Variants in CELSR3 observed in about 807,000 individuals in gnomAD.
CELSR3 encodes EGF-like protein 1.
Under a neutral mutation model 270.0 loss-of-function variants are expected in CELSR3, and 73 were observed. The observed-to-expected ratio is 0.27, with a 90% CI of 0.22 to 0.33. The LOEUF (loss-of-function observed/expected upper bound fraction) is 0.33, where lower values mean the gene tolerates loss of function less well. CELSR3 is among the 10% of genes least tolerant of loss of function. CELSR3 has a pLI of 1.00. For synonymous variants in CELSR3, 1,780 were observed against 1,905.4 expected (o/e 0.93, Z 1.71); for missense variants, 3,614 against 4,533.8 (o/e 0.80, Z 5.83).
rs763515679 is a variant in CELSR3 at position 48,641,273 on chromosome 3, T to C, written c.9025+51A>G. ...AGCTGCAATCCCTTGGCTCAGGGCA[T>C]GAGCAGCCCCCAGCGTGTCTGCGGT... On this transcript the variant is annotated intron_variant, in intron 33 of 34. Transcript: ENST00000164024. The surrounding 1 kb of genome is among the most constrained non-coding windows in gnomAD (Gnocchi z 4.8). 22 of 1,235,106 alleles carry C rather than the reference T, an allele frequency of 1.8e-5. No individual in the cohort carries two copies. Among genetic ancestry groups the C allele is most frequent in the Non-Finnish European group, 2.3e-5 (19 of 842,136 alleles). The allele number at this position is 1,235,106 out of a possible 1,614,324, so 76.5% of individuals were successfully genotyped here. A position where few individuals can be genotyped will look rare whatever the true frequency, so the allele number is the denominator to read the frequency against.
Position 48,650,995 on chromosome 3 carries a change from A to G in CELSR3, c.6267T>C (p.Cys2089=), listed in dbSNP as rs772584974. The G allele has an allele frequency of 8.1e-6, 13 of 1,609,794 alleles. No individual in the cohort carries two copies. In the African/African-American group the frequency reaches 1.6e-4, roughly 20 times the overall value. ...AGGGGCACTGCCCGCTGTGGGGTGCACATGAGCGCGAGGTGGAGCCCACAG... is the reference window on the plus strand; with the variant it reads ...AGGGGCACTGCCCGCTGTGGGGTGCGCATGAGCGCGAGGTGGAGCCCACAG... The part of the protein sequence containing the change: ...CYPVGSTSRS[C]APHSGQCPCR... The change falls in exon 15 of 35, where the codon TGT becomes TGC. Residue 2089 remains cysteine (C), a synonymous_variant. Coordinates refer to ENST00000164024, the MANE Select transcript of CELSR3 (RefSeq NM_001407.3). This position sits in a 1 kb window ranked among gnomAD's most constrained non-coding sequence, Gnocchi z 5.1.
chr3:48,662,513 C>G lies in CELSR3; in HGVS notation c.122G>C (p.Gly41Ala). 1.2e-6 allele frequency: 2 copies of G among 1,610,354 alleles called. No individual in the cohort carries two copies. Among genetic ancestry groups the G allele is most frequent in the Non-Finnish European group, 1.7e-6 (2 of 1,178,460 alleles). Residue 41 changes from glycine to alanine, a missense_variant, in exon 1 of 35, where the codon GGC becomes GCC. By Grantham distance (60) the Gly-to-Ala change is moderately conservative. Transcript: ENST00000164024. The surrounding 1 kb of genome is among the most constrained non-coding windows in gnomAD (Gnocchi z 7.1). ...QEELGGGGHQ[G>A]WDPGLAATTG... ...AGTGGCAGCTAAGCCTGGGTCCCAG[C>G]CCTGGTGCCCACCGCCCCCCAGCTC...
In CELSR3 at chr3:48,646,688, C is replaced by A. The variant is rs76029109; in HGVS notation, c.7295+75G>T. 8.3e-6 allele frequency: 12 copies of A among 1,437,962 alleles called. No individual in the cohort carries two copies. Among genetic ancestry groups the A allele is most frequent in the Non-Finnish European group, 1.1e-5 (12 of 1,054,084 alleles). The allele number at this position is 1,437,962 out of a possible 1,614,324, so 89.1% of individuals were successfully genotyped here. On this transcript the variant is annotated intron_variant, in intron 21 of 34. Transcript: ENST00000164024. The surrounding 1 kb of genome is among the most constrained non-coding windows in gnomAD (Gnocchi z 4.8). Reference sequence around the variant, plus strand: ...CTCCTCTCTGTGTGTTGTGAACCTACGCATCTACCCACCAAAAAAGGGGCT... The same window carrying A: ...CTCCTCTCTGTGTGTTGTGAACCTAAGCATCTACCCACCAAAAAAGGGGCT...
Position 48,662,617 on chromosome 3 carries a change from C to T in CELSR3, c.18G>A (p.Pro6=), listed in dbSNP as rs762160679. MMARR[P]PWRGLGGRST... is the part of the protein sequence containing the mutation. ...ACCGTCCCCCGAGGCCCCGCCACGG[C>T]GGCCGCCTCGCCATCATCCCCCGCC... is the stretch of plus-strand genomic sequence containing the variant. The change falls in exon 1 of 35, where the codon CCG becomes CCA. Residue 6 remains proline, a synonymous_variant. Transcript: ENST00000164024. This position sits in a 1 kb window ranked among gnomAD's most constrained non-coding sequence, Gnocchi z 7.1. The T allele has an allele frequency of 4.2e-6, 6 of 1,427,154 alleles. No homozygotes were observed. Among genetic ancestry groups the T allele is most frequent in the Middle Eastern group, 2.5e-4 (1 of 3,980 alleles). The allele number at this position is 1,427,154 out of a possible 1,614,324, so 88.4% of individuals were successfully genotyped here.
chr3:48,660,228 C>T lies in CELSR3; in HGVS notation c.2407G>A (p.Ala803Thr), dbSNP rs775504408. ...CCCACACCCCCCTGGGTGCTGATGGCAAAGCGATTCCGGGTGTTGCCGCCT... is the reference window on the plus strand; with the variant it reads ...CCCACACCCCCCTGGGTGCTGATGGTAAAGCGATTCCGGGTGTTGCCGCCT... ...ITGGNTRNRF[A>T]ISTQGGVGLV... is the part of the protein sequence containing the mutation. The change falls in exon 1 of 35, where the codon GCC becomes ACC. Residue 803 changes from alanine to threonine, a missense_variant. Ala to Thr is a moderately conservative substitution (Grantham distance 58, BLOSUM62 0). Around this residue, in one of 7 missense-constraint regions of CELSR3, gnomAD observed 215 missense variants for 241.2 expected, o/e 0.89. Coordinates refer to ENST00000164024, the MANE Select transcript of CELSR3 (RefSeq NM_001407.3). The surrounding 1 kb of genome is among the most constrained non-coding windows in gnomAD (Gnocchi z 5.5). The T allele has an allele frequency of 5.0e-6, 8 of 1,613,984 alleles. No individual in the cohort carries two copies. The Admixed American group carries it at 5.0e-5, about 10-fold the overall frequency.
chr3:48,651,191 T>C lies in CELSR3; in HGVS notation c.6187-116A>G. ...CATGGGCCAGAGGACACCTGGGTCA[T>C]GCGTGAAGCCAAGGGAGGGGTCACG... On this transcript the variant is annotated intron_variant, in intron 14 of 34. Transcript: ENST00000164024. This position sits in a 1 kb window ranked among gnomAD's most constrained non-coding sequence, Gnocchi z 7.4. 2.1e-6 allele frequency: 3 copies of C among 1,433,622 alleles called. No homozygotes were observed. Among genetic ancestry groups the C allele is most frequent in the Non-Finnish European group, 2.9e-6 (3 of 1,045,234 alleles). The allele number at this position is 1,433,622 out of a possible 1,614,324, so 88.8% of individuals were successfully genotyped here.
Position 48,646,269 on chromosome 3 carries a change from C to A in CELSR3, c.7296-12G>T. 6.2e-7 allele frequency: 1 copy of A among 1,605,428 alleles called. No homozygotes were observed. Among genetic ancestry groups the A allele is most frequent in the Non-Finnish European group, 8.5e-7 (1 of 1,175,110 alleles). ...GGTTCTGAGGAAGCCTGGGGAGACA[C>A]CCATCTGGGCTTACGCACTGCTGAC... On this transcript the variant is annotated splice_polypyrimidine_tract_variant and intron_variant, in intron 21 of 34. Transcript: ENST00000164024. The surrounding 1 kb of genome is among the most constrained non-coding windows in gnomAD (Gnocchi z 4.8).
In CELSR3 at chr3:48,662,097, G is replaced by T. The variant is rs949310955; in HGVS notation, c.538C>A (p.His180Asn). Residue 180 changes from histidine (H) to asparagine (N), a missense_variant, in exon 1 of 35, where the codon CAC becomes AAC. Around this residue, in one of 7 missense-constraint regions of CELSR3, gnomAD observed 470 missense variants for 469.7 expected, o/e 1.00. Coordinates refer to ENST00000164024, the MANE Select transcript of CELSR3 (RefSeq NM_001407.3). This position sits in a 1 kb window ranked among gnomAD's most constrained non-coding sequence, Gnocchi z 7.1. ...TGGGAGGACACCGGCTTGGGACCGT[G>T]GTGCCGAATCAAAAAGTCTGAAGGG... ...PLPSDFLIRH[H>N]GPKPVSSQRN... 1 of 1,613,956 alleles carries T rather than the reference G, an allele frequency of 6.2e-7. No individual in the cohort carries two copies. Among genetic ancestry groups the T allele is most frequent in the African/African-American group, 1.3e-5 (1 of 75,060 alleles).
rs1169086744 is a variant in CELSR3, at chr3:48,650,670, G to A, written c.6371-89C>T. 14 of 1,130,710 alleles carry A rather than the reference G, an allele frequency of 1.2e-5. No individual in the cohort carries two copies. The highest frequency in any genetic ancestry group is 5.6e-5 in the Admixed American group (2 of 35,778). 70.0% of individuals were successfully genotyped at this position (1,130,710 alleles called of 1,614,324 possible). A position where few individuals can be genotyped will look rare whatever the true frequency, so the allele number is the denominator to read the frequency against. On this transcript the variant is annotated intron_variant, in intron 15 of 34. Coordinates refer to ENST00000164024, the MANE Select transcript of CELSR3 (RefSeq NM_001407.3). The surrounding 1 kb of genome is among the most constrained non-coding windows in gnomAD (Gnocchi z 5.1). Reference sequence around the variant, plus strand: ...CTGCCCCTCCACCACCCCCCACAAGGCCCACTGCCCGCCACTCCTGCTGGC... The same window carrying A: ...CTGCCCCTCCACCACCCCCCACAAGACCCACTGCCCGCCACTCCTGCTGGC...
Position 48,662,128 on chromosome 3 carries a change from C to T in CELSR3, c.507G>A (p.Ser169=). The T allele has an allele frequency of 6.2e-7, 1 of 1,613,166 alleles. No homozygotes were observed. The highest frequency in any genetic ancestry group is 8.5e-7 in the Non-Finnish European group (1 of 1,179,740). ...SSGVPGSGNS[S]PLPSDFLIRH... ...GAATCAAAAAGTCTGAAGGGAGGGG[C>T]GAGCTGTTCCCCGAGCCCGGGACCC... Residue 169 remains serine (S), a synonymous_variant, in exon 1 of 35, where the codon TCG becomes TCA. Transcript: ENST00000164024. This position sits in a 1 kb window ranked among gnomAD's most constrained non-coding sequence, Gnocchi z 7.1.
chr3:48,639,406 C>T lies in CELSR3; in HGVS notation c.9911+268G>A, dbSNP rs770927451. On this transcript the variant is annotated intron_variant, in intron 34 of 34. Coordinates refer to ENST00000164024, the MANE Select transcript of CELSR3 (RefSeq NM_001407.3). The surrounding 1 kb of genome is among the most constrained non-coding windows in gnomAD (Gnocchi z 4.1). ...CCTCCCATTCGCTAGCTCAGCCCATCGGATGGCACCTATTTCTCCTTAGCC... is the reference window on the plus strand; with the variant it reads ...CCTCCCATTCGCTAGCTCAGCCCATTGGATGGCACCTATTTCTCCTTAGCC... Among the ~76,000 whole-genome samples, 7 of 152,172 alleles carry T rather than the reference C, an allele frequency of 4.6e-5. No individual in the cohort carries two copies. Among genetic ancestry groups the T allele is most frequent in the African/African-American group, 9.7e-5 (4 of 41,438 alleles).
Position 48,647,953 on chromosome 3 carries a change from C to T in CELSR3, c.7017G>A (p.Gly2339=). 1 of 1,612,032 alleles carries T rather than the reference C, an allele frequency of 6.2e-7. No homozygotes were observed. The highest frequency in any genetic ancestry group is 1.1e-5 in the South Asian group (1 of 91,066). ...TATGGTAGCGAGGGTAGCGACGGGC[C>T]CCCCGGGGAGAACTGGGGTGCTCCA... ...DRMEHPSSPR[G]ARRYPRYHSN... Residue 2339 remains glycine (G), a synonymous_variant, in exon 20 of 35, where the codon GGG becomes GGA. Coordinates refer to ENST00000164024, the MANE Select transcript of CELSR3 (RefSeq NM_001407.3).
At chr3:48,647,074 C>A in intron 20 of CELSR3, 146 bp from the exon 21 acceptor site, 1 of 711,284 alleles carries the variant, frequency 1.4e-6, no homozygotes, top group Non-Finnish European at 2.2e-6. Context: ...CAGAAAGTAA[C>A]AGTCAAGGCC....
Position 48,650,706 on chromosome 3 carries a change from C to A in CELSR3, c.6371-125G>T. 9 of 1,041,808 alleles carry A rather than the reference C, an allele frequency of 8.6e-6. No individual in the cohort carries two copies. The highest frequency in any genetic ancestry group is 1.1e-5 in the Non-Finnish European group (8 of 719,744). The allele number at this position is 1,041,808 out of a possible 1,614,324, so 64.5% of individuals were successfully genotyped here. ...GCCACTCCTGCTGGCTTCTCAGGAG[C>A]TGACCTGTCAGATTCTGTGACAGGT... On this transcript the variant is annotated intron_variant, in intron 15 of 34. Transcript: ENST00000164024. The surrounding 1 kb of genome is among the most constrained non-coding windows in gnomAD (Gnocchi z 5.1).
chr3:48,660,796 C>G lies in CELSR3; in HGVS notation c.1839G>C (p.Glu613Asp), dbSNP rs2077060400. The change falls in exon 1 of 35, where the codon GAG (glutamate) becomes GAC (aspartate). Residue 613 changes from glutamate (E) to aspartate (D), a missense_variant. By Grantham distance (45) the Glu-to-Asp change is conservative. This residue lies in a region of CELSR3 where 354 missense variants were observed against 500.9 expected (regional missense o/e 0.71). Coordinates refer to ENST00000164024, the MANE Select transcript of CELSR3 (RefSeq NM_001407.3). The surrounding 1 kb of genome is among the most constrained non-coding windows in gnomAD (Gnocchi z 5.5). ...QVVAPLDFEAEREYALRIRAQ... is the reference protein window; with the variant it reads ...QVVAPLDFEADREYALRIRAQ... ...CCCTGATGCGCAAGGCATACTCTCT[C>G]TCTGCCTCGAAGTCCAGAGGTGCCA... The G allele has an allele frequency of 2.5e-6, 4 of 1,614,130 alleles. No homozygotes were observed. The highest frequency in any genetic ancestry group is 3.4e-6 in the Non-Finnish European group (4 of 1,180,036).
intron 19 of CELSR3, 95 bp downstream of exon 19, chr3:48,648,171 C>A: frequency 7.0e-7 from 1 of 1,434,418 alleles, no homozygotes. Flanking sequence ...CTGCCATTAA[C>A]ATTGGCATTG....
In CELSR3 at chr3:48,659,797, A is replaced by G. The variant is rs2077052951; in HGVS notation, c.2838T>C (p.Tyr946=). ...TCACGTCATTGACCATCACCTCCAC[A>G]TAAGTAGTGTCTGCCTTCTGTGGGA... ...NGIPQKADTT[Y]VEVMVNDVND... Residue 946 remains tyrosine (Y), a synonymous_variant, in exon 1 of 35, where the codon TAT becomes TAC. Coordinates refer to ENST00000164024, the MANE Select transcript of CELSR3 (RefSeq NM_001407.3). This position sits in a 1 kb window ranked among gnomAD's most constrained non-coding sequence, Gnocchi z 8.1. 3 of 1,614,232 alleles carry G rather than the reference A, an allele frequency of 1.9e-6. No individual in the cohort carries two copies. The highest frequency in any genetic ancestry group is 3.3e-5 in the Admixed American group (2 of 60,024).
chr3:48,656,975 G>A lies in CELSR3; in HGVS notation c.4122C>T (p.Phe1374=), dbSNP rs369080573. The change falls in exon 2 of 35, where the codon TTC becomes TTT. Residue 1374 remains phenylalanine (F), a synonymous_variant. Transcript: ENST00000164024. ...AARSLLDVLP[F]DDNVCLREPC... is the part of the protein sequence containing the mutation. ...GCTCTCGCAGGCACACGTTGTCGTC[G>A]AAGGGCAGTACGTCGAGCAGGGAGC... 2 of 1,613,068 alleles carry A rather than the reference G, an allele frequency of 1.2e-6. No homozygotes were observed. The highest frequency in any genetic ancestry group is 8.5e-7 in the Non-Finnish European group (1 of 1,179,580).
In CELSR3 at chr3:48,642,503, G is replaced by T; in HGVS notation, c.8556-36C>A. ...AGGAGCCCCCCCACCATGAAAGAGG[G>T]ATGTGATGGGGTGCCTTGGAGGCTG... On this transcript the variant is annotated intron_variant, in intron 30 of 34. Coordinates refer to ENST00000164024, the MANE Select transcript of CELSR3 (RefSeq NM_001407.3). This position sits in a 1 kb window ranked among gnomAD's most constrained non-coding sequence, Gnocchi z 6.1. The T allele has an allele frequency of 6.3e-7, 1 of 1,594,296 alleles. No homozygotes were observed. The highest frequency in any genetic ancestry group is 8.6e-7 in the Non-Finnish European group (1 of 1,168,118).
Sources: allele counts gnomAD v4.1 joint callset (sites outside exome capture counted in the v4.1 genomes callset), GRCh38; gene constraint gnomAD v4.1.1; regional missense constraint gnomAD v4.1.1; non-coding constraint Gnocchi (gnomAD v3.1); transcripts MANE v1.5; gene names NCBI Gene and HGNC (gene_info 2026-07-23, HGNC 2026-07-21).